The following PPP1R3A variants were observed in gnomAD, a reference collection of about 807,000 sequenced individuals.
The protein encoded by PPP1R3A is RG1.
In PPP1R3A, 29 loss-of-function variants were observed where a neutral mutation model predicts 41.7. That is an observed-to-expected ratio of 0.70 (90% CI 0.52 to 0.95). The LOEUF is 0.95. PPP1R3A is among the 40% of genes least tolerant of loss of function. PPP1R3A has a pLI of 0.00. For missense variants in PPP1R3A, 1,352 were observed against 1,292.4 expected (o/e 1.05, Z -0.71); for synonymous variants, 485 against 453.4 (o/e 1.07, Z -0.89).
chr7:113,898,583 G>A (rs539007469), intron 1 of PPP1R3A, among the ~76,000 whole-genome samples: 2 of 151,840 alleles, frequency 1.3e-5, no homozygotes, highest in African/African-American at 4.8e-5. Flanking sequence ...GGCTCTTTAG[G>A]CCCATGTTAT....
At chr7:113,913,458 T>TG (rs1166125622) in intron 1 of PPP1R3A, among the ~76,000 whole-genome samples, 2 of 152,294 alleles carry the variant, frequency 1.3e-5, no homozygotes, top group East Asian at 3.9e-4. Context: ...TGAACGTACC[T>TG]GGTTTTTTTC....
At chr7:113,891,321 T>C (rs1362474507) in intron 1 of PPP1R3A, among the ~76,000 whole-genome samples, 1 of 152,052 alleles carries the variant, frequency 6.6e-6, no homozygotes. Context: ...TTAGGAAATG[T>C]AGTAAATGGC....
At chr7:113,884,925 T>C (rs1796756683) in intron 1 of PPP1R3A, among the ~76,000 whole-genome samples, 1 of 152,038 alleles carries the variant, frequency 6.6e-6, no homozygotes. Flanking sequence ...AAGCACATAA[T>C]GGGACGGTCA....
chr7:113,896,238 T>C (rs112091368), intron 1 of PPP1R3A, among the ~76,000 whole-genome samples: 50 of 152,072 alleles, frequency 3.3e-4, no homozygotes, highest in Middle Eastern at 3.4e-3. Flanking sequence ...CCCACACCTT[T>C]TGTGAACTAT....
intron 3 of PPP1R3A, among the ~76,000 whole-genome samples, chr7:113,881,060 C>T (rs1318844863): frequency 1.3e-5 from 2 of 150,966 alleles, no homozygotes; most frequent in Non-Finnish European, 3.0e-5. Flanking sequence ...TTTTCAGGGC[C>T]CTTTCATTAT....
intron 1 of PPP1R3A, among the ~76,000 whole-genome samples, chr7:113,900,369 T>C (rs1023790029): frequency 3.3e-5 from 5 of 151,694 alleles, no homozygotes; most frequent in Admixed American, 6.6e-5. Flanking sequence ...TCATGGATAA[T>C]GCTGATAGTT....
Position 113,878,699 on chromosome 7 carries a change from TC to T in PPP1R3A, c.2392del (p.Asp798ThrfsTer10). On this transcript the variant is annotated frameshift_variant, in exon 4 of 4. Coordinates refer to ENST00000284601, the MANE Select transcript of PPP1R3A (RefSeq NM_002711.4). LOFTEE classifies it low-confidence loss of function (END_TRUNC). ...CQRDTVGVIY[D>X]NDFEKESRLG... Reference sequence around the variant, plus strand: ...ACGTGATTCCTTTTCAAAATCATTGTCATAGATTACACCTACTGTATCTCGT... The same window carrying T: ...ACGTGATTCCTTTTCAAAATCATTGTATAGATTACACCTACTGTATCTCGT... 6.2e-7 allele frequency: 1 copy of T among 1,613,418 alleles called. No homozygotes were observed. The highest frequency in any genetic ancestry group is 2.2e-5 in the East Asian group (1 of 44,836).
intron 1 of PPP1R3A, among the ~76,000 whole-genome samples, chr7:113,895,374 T>G (rs949848155): frequency 2.0e-5 from 3 of 151,954 alleles, no homozygotes; most frequent in Admixed American, 2.0e-4. Context: ...TAATTTGGAC[T>G]AATAAAATTA....
rs1009112585 is a variant in PPP1R3A at position 113,918,891 on chromosome 7, C to G, written c.106G>C (p.Gly36Arg). The G allele has an allele frequency of 6.2e-7, 1 of 1,613,382 alleles. No individual in the cohort carries two copies. The highest frequency in any genetic ancestry group is 8.5e-7 in the Non-Finnish European group (1 of 1,179,612). Residue 36 changes from glycine (G) to arginine (R), a missense_variant, in exon 1 of 4, where the codon GGT becomes CGT. Gly to Arg is a moderately radical substitution (Grantham distance 125). Transcript: ENST00000284601. ...CEDEEVTFQPGFSPQPSRRGS... is the reference protein window; with the variant it reads ...CEDEEVTFQPRFSPQPSRRGS... Reference sequence around the variant, plus strand: ...CGTCTACTTGGTTGAGGGGAGAAACCAGGTTGGAAAGTAACTTCTTCATCT... The same window carrying G: ...CGTCTACTTGGTTGAGGGGAGAAACGAGGTTGGAAAGTAACTTCTTCATCT...
chr7:113,878,955 G>A lies in PPP1R3A; in HGVS notation c.2137C>T (p.Leu713=), dbSNP rs757968584. ...ATGCCATGATCAGCTAGAGAAGACA[G>A]TTCACAGCACACTGTTTCTTGGCAG... The part of the protein sequence containing the change: ...FTCQETVCCE[L]SSLADHGITE... The change falls in exon 4 of 4, where the codon CTG becomes TTG. Residue 713 remains leucine, a synonymous_variant. Transcript: ENST00000284601. 52 of 1,613,134 alleles carry A rather than the reference G, an allele frequency of 3.2e-5. No individual in the cohort carries two copies. The highest frequency in any genetic ancestry group is 7.6e-6 in the Non-Finnish European group (9 of 1,179,792).
At chr7:113,884,867 G>A (rs191799981) in intron 1 of PPP1R3A, among the ~76,000 whole-genome samples, 12 of 152,062 alleles carry the variant, frequency 7.9e-5, no homozygotes, top group Non-Finnish European at 8.8e-5. Context: ...TTGTGTGTAG[G>A]GGGGCAAGGG....
intron 1 of PPP1R3A, among the ~76,000 whole-genome samples, chr7:113,888,220 G>A (rs1226272628): frequency 2.0e-5 from 3 of 152,014 alleles, no homozygotes; most frequent in Non-Finnish European, 4.4e-5. Flanking sequence ...AGTGGCATGG[G>A]GTTTAGGGCT....
intron 1 of PPP1R3A, among the ~76,000 whole-genome samples, chr7:113,884,237 A>T (rs769274113): frequency 1.7e-4 from 26 of 152,066 alleles, no homozygotes; most frequent in Non-Finnish European, 3.7e-4. Context: ...ATACTAATCA[A>T]AACACCAAAA....
At chr7:113,898,053 G>T (rs1434628465) in intron 1 of PPP1R3A, among the ~76,000 whole-genome samples, 2 of 151,796 alleles carry the variant, frequency 1.3e-5, no homozygotes, top group Non-Finnish European at 2.9e-5. Context: ...TACCCAGTGG[G>T]TTTAAAGGAC....
At chr7:113,882,860 A>G (rs1796717482) in intron 1 of PPP1R3A, among the ~76,000 whole-genome samples, 1 of 152,056 alleles carries the variant, frequency 6.6e-6, no homozygotes, top group Admixed American at 6.6e-5. Flanking sequence ...TAAGAAAGAA[A>G]CAAGCTAACT....
rs542086403 is a variant in PPP1R3A at position 113,901,080 on chromosome 7, C to T, written c.782+17135G>A. On this transcript the variant is annotated intron_variant, in intron 1 of 3. Transcript: ENST00000284601. The stretch of plus-strand genomic sequence containing the variant: ...GAAACATAGAATTTGAAGATCTGGA[C>T]AGCAAGAAGGCAGCTAGAGTAAAGG... Among the ~76,000 whole-genome samples the T allele has an allele frequency of 1.5e-4, 22 of 151,646 alleles. 1 individual carries two copies. The highest frequency in any genetic ancestry group is 3.4e-3 in the Middle Eastern group (1 of 294).
chr7:113,896,639 G>A (rs550054976), intron 1 of PPP1R3A, among the ~76,000 whole-genome samples: 17 of 151,776 alleles, frequency 1.1e-4, no homozygotes, highest in African/African-American at 4.1e-4. Context: ...ATGGAATACC[G>A]AAAAAGAGAG....
chr7:113,906,151 G>T (rs1043450546), intron 1 of PPP1R3A, among the ~76,000 whole-genome samples: 1 of 151,714 alleles, frequency 6.6e-6, no homozygotes, highest in Non-Finnish European at 1.5e-5. Context: ...GTAACTGAAA[G>T]AAACCATCTA....
chr7:113,879,719 G>A lies in PPP1R3A; in HGVS notation c.1373C>T (p.Ser458Leu), dbSNP rs527838301. ...AAGGTTTCCTGCCATTAGTTGATCT[G>A]AAGAGGGGCAAGGTATTTGCACTGT... ...NGTVQIPCPSSDQLMAGNLNK... is the reference protein window; with the variant it reads ...NGTVQIPCPSLDQLMAGNLNK... Residue 458 changes from serine to leucine, a missense_variant, in exon 4 of 4, where the codon TCA (serine) becomes TTA (leucine). Ser to Leu is a moderately radical substitution (Grantham distance 145). Transcript: ENST00000284601. 2 of 1,613,188 alleles carry A rather than the reference G, an allele frequency of 1.2e-6. No homozygotes were observed. Among genetic ancestry groups the A allele is most frequent in the East Asian group, 4.5e-5 (2 of 44,824 alleles).
Sources: gnomAD v4.1 joint callset for allele counts (sites outside exome capture counted in the v4.1 genomes callset) on GRCh38, gnomAD v4.1.1 for gene constraint, MANE v1.5 for transcripts, NCBI Gene and HGNC (gene_info 2026-07-23, HGNC 2026-07-21) for gene names.